MPP7: variants seen among roughly 807,000 people sequenced by gnomAD.
MPP7 encodes MAGUK p55 scaffold protein 7.
Under a neutral mutation model 76.5 loss-of-function variants are expected in MPP7, and 60 were observed. The ratio of observed to expected loss-of-function variants is 0.78; its 90% CI spans 0.64 to 0.97. The LOEUF (loss-of-function observed/expected upper bound fraction) is 0.97. MPP7 is among the 50% of genes least tolerant of loss of function. The pLI is 0.00. For synonymous variants in MPP7, 237 were observed against 244.5 expected (o/e 0.97, Z 0.29); for missense variants, 641 against 694.0 (o/e 0.92, Z 0.86).
intron 1 of MPP7, among the ~76,000 whole-genome samples, chr10:28,275,362 A>G (rs1027847219): frequency 6.7e-6 from 1 of 149,708 alleles, no homozygotes; most frequent in Non-Finnish European, 1.5e-5. Context: ...TCTCTCCCTT[A>G]CCTCTTACAT....
At chr10:28,158,792 A>G (rs1171696738) in intron 3 of MPP7, among the ~76,000 whole-genome samples, 5 of 152,222 alleles carry the variant, frequency 3.3e-5, no homozygotes, top group African/African-American at 1.2e-4. Flanking sequence ...ATGCACTGTA[A>G]GAGAAATGCA....
intron 2 of MPP7, among the ~76,000 whole-genome samples, chr10:28,210,512 T>G (rs898189735): frequency 1.3e-5 from 2 of 152,180 alleles, no homozygotes; most frequent in African/African-American, 4.8e-5. Context: ...AAGGTCAAGA[T>G]AGATTGTGGT....
chr10:28,136,575 C>A lies in MPP7; in HGVS notation c.316-4884G>T, dbSNP rs867968250. Reference sequence around the variant, plus strand: ...CCAAACCCTAAAATTACACAGATAGCAGACAAGAAAATTAAAAGTTATTAT... The same window carrying A: ...CCAAACCCTAAAATTACACAGATAGAAGACAAGAAAATTAAAAGTTATTAT... On this transcript the variant is annotated intron_variant, in intron 5 of 16. Transcript: ENST00000683449. Among the ~76,000 whole-genome samples, 6 of 152,030 alleles carry A rather than the reference C, an allele frequency of 3.9e-5. 1 individual carries two copies. The highest frequency in any genetic ancestry group is 3.4e-3 in the Middle Eastern group (1 of 292).
rs576844009 is a variant in MPP7, at chr10:28,241,792, C to A, written c.-131-3057G>T. 2.0e-5 allele frequency among the ~76,000 whole-genome samples: 3 copies of A among 152,280 alleles called. No individual in the cohort carries two copies. The South Asian group carries it at 6.2e-4, about 32-fold the overall frequency. ...ACAATACCCAATAGAACGATTACAA[C>A]CCTCCTTTAAAAGGGCTTATTTTTG... is the stretch of plus-strand genomic sequence containing the variant. On this transcript the variant is annotated intron_variant, in intron 1 of 16. Transcript: ENST00000683449.
At chr10:28,165,358 A>T (rs1055296905) in intron 3 of MPP7, among the ~76,000 whole-genome samples, 2 of 152,052 alleles carry the variant, frequency 1.3e-5, no homozygotes, top group Admixed American at 1.3e-4. Context: ...TCCTATCCCT[A>T]TAAAGAAATT....
intron 2 of MPP7, among the ~76,000 whole-genome samples, chr10:28,233,281 G>A (rs899242578): frequency 3.3e-5 from 5 of 152,174 alleles, no homozygotes; most frequent in Non-Finnish European, 7.3e-5. Context: ...ACATCAATGA[G>A]AACTCATATT....
At chr10:28,064,946 T>C (rs1851932967) in intron 13 of MPP7, among the ~76,000 whole-genome samples, 2 of 152,238 alleles carry the variant, frequency 1.3e-5, no homozygotes. Context: ...TGAGGGTATA[T>C]AACACGATTA....
intron 3 of MPP7, among the ~76,000 whole-genome samples, chr10:28,177,028 T>TAAA (rs572710425): frequency 7.3e-6 from 1 of 136,818 alleles, no homozygotes; most frequent in Non-Finnish European, 1.6e-5. Context: ...AAGTATAATT[T>TAAA]AAAAAAAAAA....
intron 2 of MPP7, among the ~76,000 whole-genome samples, chr10:28,217,962 G>C (rs1564709817): frequency 1.3e-5 from 2 of 152,194 alleles, no homozygotes; most frequent in South Asian, 2.1e-4. Context: ...AAGAGAATTA[G>C]GCAAAGTATG....
At chr10:28,207,361 G>A (rs749493088) in intron 2 of MPP7, among the ~76,000 whole-genome samples, 8 of 152,112 alleles carry the variant, frequency 5.3e-5, no homozygotes, top group Non-Finnish European at 1.0e-4. Context: ...TACAAGAACT[G>A]TAATAATTTA....
chr10:28,302,045 T>C (rs1564766459), intron 1 of MPP7, among the ~76,000 whole-genome samples: 1 of 152,188 alleles, frequency 6.6e-6, no homozygotes, highest in Non-Finnish European at 1.5e-5. Flanking sequence ...AGACTGTTTT[T>C]AGAGAGCCCC....
chr10:28,282,802 G>T (rs1417521890), intron 1 of MPP7, among the ~76,000 whole-genome samples: 2 of 151,826 alleles, frequency 1.3e-5, no homozygotes, highest in African/African-American at 4.9e-5. Flanking sequence ...CTTGTTCTGT[G>T]TCGGTGACCT....
At chr10:28,246,547 T>C (rs889008734) in intron 1 of MPP7, among the ~76,000 whole-genome samples, 1 of 152,144 alleles carries the variant, frequency 6.6e-6, no homozygotes, top group African/African-American at 2.4e-5. Context: ...AAATATAAGA[T>C]ACAGTAATAT....
chr10:28,262,573 G>A (rs1436766581), intron 1 of MPP7, among the ~76,000 whole-genome samples: 1 of 151,980 alleles, frequency 6.6e-6, no homozygotes, highest in Non-Finnish European at 1.5e-5. Context: ...TTGGCCCTTT[G>A]GAAGCCACAG....
At chr10:28,328,124 T>C (rs1443712418) in intron 2 of MPP7, among the ~76,000 whole-genome samples, 2 of 152,176 alleles carry the variant, frequency 1.3e-5, no homozygotes, top group Non-Finnish European at 2.9e-5. Flanking sequence ...TCTTGGTACT[T>C]GGCTAATAAA....
At chr10:28,272,230 C>T (rs1382492332) in intron 1 of MPP7, among the ~76,000 whole-genome samples, 2 of 152,110 alleles carry the variant, frequency 1.3e-5, no homozygotes, top group African/African-American at 2.4e-5. Flanking sequence ...CTTTTAGATT[C>T]GTGACTTAGA....
intron 1 of MPP7, among the ~76,000 whole-genome samples, chr10:28,272,357 A>T (rs2133039490): frequency 6.6e-6 from 1 of 152,328 alleles, no homozygotes; most frequent in Non-Finnish European, 1.5e-5. Context: ...TCTACACTTA[A>T]ATGTGCACTT....
In MPP7 at chr10:28,269,191, G is replaced by A. The variant is rs375243466; in HGVS notation, c.-131-30456C>T. Among the ~76,000 whole-genome samples the A allele has an allele frequency of 2.8e-4, 42 of 152,298 alleles. 2 individuals carry two copies. In the South Asian group the frequency reaches 8.3e-3, roughly 30 times the overall value. On this transcript the variant is annotated intron_variant, in intron 1 of 16. Coordinates refer to ENST00000683449, the MANE Select transcript of MPP7 (RefSeq NM_001318170.2). Reference sequence around the variant, plus strand: ...TGATGCAGGACCTTTGGGAGAGGCAGGTGAGGAACATGCCCTGCTATCCTA... The same window carrying A: ...TGATGCAGGACCTTTGGGAGAGGCAAGTGAGGAACATGCCCTGCTATCCTA...
rs374867167 is a variant in MPP7 at position 28,084,797 on chromosome 10, C to T, written c.1123+4874G>A. Among the ~76,000 whole-genome samples, 8 of 152,188 alleles carry T rather than the reference C, an allele frequency of 5.3e-5. No individual in the cohort carries two copies. The South Asian group carries it at 1.7e-3, about 32-fold the overall frequency. On this transcript the variant is annotated intron_variant, in intron 12 of 16. Coordinates refer to ENST00000683449, the MANE Select transcript of MPP7 (RefSeq NM_001318170.2). ...GAGGGAAAGACCAGGAAAATCAGCACTTTAGGAATTTATTGAAAAATTTTA... is the reference window on the plus strand; with the variant it reads ...GAGGGAAAGACCAGGAAAATCAGCATTTTAGGAATTTATTGAAAAATTTTA...
Sources: gnomAD v4.1 joint callset for allele counts (sites outside exome capture counted in the v4.1 genomes callset) on GRCh38, gnomAD v4.1.1 for gene constraint, MANE v1.5 for transcripts, NCBI Gene and HGNC (gene_info 2026-07-23, HGNC 2026-07-21) for gene names.